The following CACNA2D1 variants were observed in gnomAD, a reference collection of about 807,000 sequenced individuals.
CACNA2D1 encodes the protein voltage-dependent calcium channel subunit alpha-2/delta-1.
In CACNA2D1, 53 loss-of-function variants were observed where a neutral mutation model predicts 171.5. The ratio of observed to expected loss-of-function variants is 0.31; its 90% CI spans 0.25 to 0.39. The LOEUF is 0.39. CACNA2D1 is among the 10% of genes least tolerant of loss of function. The pLI is 1.00. For synonymous variants in CACNA2D1, 442 were observed against 443.1 expected (o/e 1.00, Z 0.03); for missense variants, 903 against 1,299.8 (o/e 0.69, Z 4.69).
chr7:82,425,023 G>A (rs1411185036), intron 1 of CACNA2D1, among the ~76,000 whole-genome samples: 1 of 152,166 alleles, frequency 6.6e-6, no homozygotes, highest in Non-Finnish European at 1.5e-5. Context: ...GAGTGTGAGT[G>A]GGGACCATGA....
chr7:82,266,218 A>T (rs2129341268), intron 3 of CACNA2D1, among the ~76,000 whole-genome samples: 1 of 152,272 alleles, frequency 6.6e-6, no homozygotes, highest in East Asian at 1.9e-4. Context: ...TTCTTTGTCT[A>T]TGTGAAATCT....
At chr7:82,180,059 TGA>T (rs948399522) in intron 3 of CACNA2D1, among the ~76,000 whole-genome samples, 8 of 152,132 alleles carry the variant, frequency 5.3e-5, no homozygotes, top group African/African-American at 1.9e-4. Context: ...ATCACCATAT[TGA>T]GAGAAATTTC....
At chr7:82,047,841 A>G (rs1349227030) in intron 10 of CACNA2D1, among the ~76,000 whole-genome samples, 1 of 152,178 alleles carries the variant, frequency 6.6e-6, no homozygotes. Flanking sequence ...TGAAATATTA[A>G]ATAAACGAAG....
intron 1 of CACNA2D1, among the ~76,000 whole-genome samples, chr7:82,385,374 C>T (rs1394800003): frequency 6.6e-6 from 1 of 152,178 alleles, no homozygotes; most frequent in East Asian, 1.9e-4. Flanking sequence ...CATCCTCTTT[C>T]CCTGATGCTT....
At chr7:82,214,742 C>T (rs1437559893) in intron 3 of CACNA2D1, among the ~76,000 whole-genome samples, 1 of 152,148 alleles carries the variant, frequency 6.6e-6, no homozygotes, top group Non-Finnish European at 1.5e-5. Flanking sequence ...AAAATTATTA[C>T]TTGTAGCAAG....
At chr7:82,407,064 C>G (rs1047924492) in intron 1 of CACNA2D1, among the ~76,000 whole-genome samples, 7 of 152,146 alleles carry the variant, frequency 4.6e-5, no homozygotes, top group African/African-American at 1.7e-4. Flanking sequence ...CTGTTAATGA[C>G]AGTTTTCTGT....
intron 3 of CACNA2D1, among the ~76,000 whole-genome samples, chr7:82,318,256 T>C: frequency 6.6e-6 from 1 of 152,158 alleles, no homozygotes; most frequent in East Asian, 1.9e-4. Flanking sequence ...CTGCATGGTA[T>C]CTAAGCTCAA....
chr7:82,393,904 T>C (rs973306156), intron 1 of CACNA2D1, among the ~76,000 whole-genome samples: 2 of 152,208 alleles, frequency 1.3e-5, no homozygotes, highest in Admixed American at 1.3e-4. Context: ...TAGTGTAGCA[T>C]CAGTGAGAAA....
chr7:82,106,471 C>A (rs75218612), intron 6 of CACNA2D1, among the ~76,000 whole-genome samples: 5,095 of 152,168 alleles, frequency 0.033, 288 homozygotes, highest in African/African-American at 0.12. Flanking sequence ...TTTATAGAGG[C>A]ACTGAATTTT....
intron 22 of CACNA2D1, among the ~76,000 whole-genome samples, chr7:81,983,696 A>C (rs1052441988): frequency 6.6e-6 from 1 of 152,202 alleles, no homozygotes; most frequent in Non-Finnish European, 1.5e-5. Context: ...GAACTAGCTC[A>C]TGCAGAATTG....
chr7:82,079,950 T>A (rs1358189812), intron 7 of CACNA2D1, among the ~76,000 whole-genome samples: 1 of 151,848 alleles, frequency 6.6e-6, no homozygotes, highest in African/African-American at 2.4e-5. Flanking sequence ...TTCTACAATA[T>A]GTGTGTGTAT....
At chr7:82,214,322 T>C (rs1800877378) in intron 3 of CACNA2D1, among the ~76,000 whole-genome samples, 1 of 152,228 alleles carries the variant, frequency 6.6e-6, no homozygotes, top group South Asian at 2.1e-4. Context: ...GATAGTGCTC[T>C]TCTATGTATG....
chr7:82,305,154 G>A (rs1813559727), intron 3 of CACNA2D1, among the ~76,000 whole-genome samples: 1 of 152,100 alleles, frequency 6.6e-6, no homozygotes, highest in African/African-American at 2.4e-5. Flanking sequence ...TAATTGTGAA[G>A]AATAACTTAT....
intron 3 of CACNA2D1, among the ~76,000 whole-genome samples, chr7:82,251,572 C>T (rs38556): frequency 0.52 from 79,007 of 151,916 alleles, 21,517 homozygotes; most frequent in African/African-American, 0.7. Flanking sequence ...AATTACTCCA[C>T]TGGTTATCTG....
chr7:82,115,374 A>G (rs963705695), intron 6 of CACNA2D1, among the ~76,000 whole-genome samples: 1 of 152,182 alleles, frequency 6.6e-6, no homozygotes, highest in Non-Finnish European at 1.5e-5. Context: ...AAAAGTAACT[A>G]CAGAAAAATA....
chr7:82,416,603 C>T (rs183790751), intron 1 of CACNA2D1, among the ~76,000 whole-genome samples: 16 of 152,256 alleles, frequency 1.1e-4, no homozygotes, highest in Admixed American at 2.6e-4. Flanking sequence ...CCTTCACATG[C>T]ACTCTCTATT....
At chr7:82,334,833 T>G (rs1043284334) in intron 3 of CACNA2D1, among the ~76,000 whole-genome samples, 2 of 152,116 alleles carry the variant, frequency 1.3e-5, no homozygotes, top group African/African-American at 4.8e-5. Context: ...TGTATCATGA[T>G]GTACATATGG....
intron 3 of CACNA2D1, among the ~76,000 whole-genome samples, chr7:82,289,342 C>T (rs1172586949): frequency 1.3e-5 from 2 of 152,124 alleles, no homozygotes; most frequent in Non-Finnish European, 2.9e-5. Context: ...TGTACAAACA[C>T]ACACCATTGT....
At chr7:82,038,887 G>T (rs1220573330) in intron 10 of CACNA2D1, among the ~76,000 whole-genome samples, 2 of 152,090 alleles carry the variant, frequency 1.3e-5, no homozygotes, top group Admixed American at 1.3e-4. Context: ...CAACTCCAAC[G>T]ATAACTGCCC....
Sources: allele counts gnomAD v4.1 joint callset (sites outside exome capture counted in the v4.1 genomes callset), GRCh38; gene constraint gnomAD v4.1.1; transcripts MANE v1.5; gene names NCBI Gene and HGNC (gene_info 2026-07-23, HGNC 2026-07-21).